CCDC141: variants seen among roughly 807,000 people sequenced by gnomAD.
CCDC141 encodes coiled-coil domain containing 141.
Under a neutral mutation model 181.0 loss-of-function variants are expected in CCDC141, and 168 were observed. That is an observed-to-expected ratio of 0.93 (90% confidence interval 0.82 to 1.05). The LOEUF (loss-of-function observed/expected upper bound fraction) is 1.05. Ranked by LOEUF, CCDC141 falls within the 50% of genes least tolerant of loss-of-function variation. The pLI, the probability that CCDC141 is intolerant of heterozygous loss-of-function variation, is 0.00. For synonymous variants in CCDC141, 666 were observed against 642.3 expected, an observed-to-expected ratio of 1.04 and a Z score of -0.56; for missense variants, 1,902 against 1,788.5, an observed-to-expected ratio of 1.06 and a Z score of -1.14.
chr2:179,040,207 T>A (rs2043257716), intron 2 of CCDC141, among the ~76,000 whole-genome samples: 1 of 152,174 alleles, frequency 6.6e-6, no homozygotes, highest in African/African-American at 2.4e-5. Flanking sequence ...ATATGAAGCT[T>A]CGATCTGTCC....
chr2:178,972,543 G>A (rs1372353466), intron 4 of CCDC141, among the ~76,000 whole-genome samples: 1 of 152,156 alleles, frequency 6.6e-6, no homozygotes, highest in Non-Finnish European at 1.5e-5. Flanking sequence ...GGCTTCCTGA[G>A]GAAAATGGCC....
rs951420643 is a variant in CCDC141, at chr2:178,881,765, G to A, written c.1719+3136C>T. 4.6e-5 allele frequency among the ~76,000 whole-genome samples: 7 copies of A among 151,914 alleles called. No homozygotes were observed. In the East Asian group the frequency reaches 7.7e-4, roughly 17 times the overall value. On this transcript the variant is annotated intron_variant, in intron 11 of 23. Coordinates refer to ENST00000443758, the MANE Select transcript of CCDC141 (RefSeq NM_173648.4). ...AAAAATTAGCTGGGCTTGGTGGCAC[G>A]TACCTGTAGTCCCAGCTACCTGGGA...
At chr2:178,826,579 G>A (rs893044914), downstream of CCDC141, among the ~76,000 whole-genome samples, 2 of 151,950 alleles carry the variant, frequency 1.3e-5, no homozygotes, top group Non-Finnish European at 1.5e-5. Flanking sequence ...TTGGAAAGTT[G>A]TTAATTATTG....
Position 178,884,945 on chromosome 2 carries a change from G to C in CCDC141, c.1675C>G (p.Gln559Glu). Residue 559 changes from glutamine to glutamate, a missense_variant, in exon 11 of 24, where the codon CAA becomes GAA. Physicochemically the swap from Gln to Glu is conservative, Grantham distance 29 (BLOSUM62 2). Transcript: ENST00000443758. ...AATGCCACGTAAGTTTGCAGGACTTGCGATCTATAGTCAATGCTTTGGCCA... is the reference window on the plus strand; with the variant it reads ...AATGCCACGTAAGTTTGCAGGACTTCCGATCTATAGTCAATGCTTTGGCCA... The part of the protein sequence containing the change: ...LFGQSIDYRS[Q>E]VLQTYVAFLK... 1 of 1,550,350 alleles carries C rather than the reference G, an allele frequency of 6.5e-7. No individual in the cohort carries two copies. The highest frequency in any genetic ancestry group is 1.4e-5 in the African/African-American group (1 of 73,156).
At chr2:178,849,099 A>T (rs1361809939) in intron 21 of CCDC141, among the ~76,000 whole-genome samples, 7 of 152,196 alleles carry the variant, frequency 4.6e-5, no homozygotes, top group Non-Finnish European at 1.5e-5. Flanking sequence ...AGCCTCACAA[A>T]CTATTTGAAT....
At chr2:178,840,861 AT>A (rs1369663546) in intron 22 of CCDC141, among the ~76,000 whole-genome samples, 1 of 152,184 alleles carries the variant, frequency 6.6e-6, no homozygotes, top group Non-Finnish European at 1.5e-5. Context: ...TCCTCAAAAA[AT>A]AACACTACCC....
intron 2 of CCDC141, among the ~76,000 whole-genome samples, chr2:179,001,459 A>G (rs2041975201): frequency 6.6e-6 from 1 of 152,166 alleles, no homozygotes; most frequent in Non-Finnish European, 1.5e-5. Context: ...GCTAGAAACC[A>G]CTTCTGCCTT....
At position 178,885,088 on chromosome 2, in the gene CCDC141, G is replaced by A; in HGVS notation, c.1532C>T (p.Thr511Ile). Residue 511 changes from threonine to isoleucine, a missense_variant, in exon 11 of 24, where the codon ACA becomes ATA. Thr to Ile is a moderately conservative substitution (Grantham distance 89, BLOSUM62 -1). Transcript: ENST00000443758. ...YLELDIQAKE[T>I]SHELEAAAKT... is the part of the protein sequence containing the mutation. ...TGCAGCTGCTTCTAATTCATGTGAT[G>A]TCTCCTGTAAAAGCAAAGCACTGGA... is the stretch of plus-strand genomic sequence containing the variant. 4.5e-6 allele frequency: 7 copies of A among 1,547,570 alleles called. No individual in the cohort carries two copies. Among genetic ancestry groups the A allele is most frequent in the Non-Finnish European group, 6.1e-6 (7 of 1,145,216 alleles).
intron 4 of CCDC141, among the ~76,000 whole-genome samples, chr2:178,973,489 G>A (rs1033486356): frequency 4.6e-5 from 7 of 152,192 alleles, no homozygotes; most frequent in African/African-American, 1.7e-4. Flanking sequence ...CAAGACATCA[G>A]TTTCACTGTC....
At chr2:179,041,880 T>C (rs2043317587) in intron 2 of CCDC141, among the ~76,000 whole-genome samples, 1 of 152,212 alleles carries the variant, frequency 6.6e-6, no homozygotes, top group Non-Finnish European at 1.5e-5. Flanking sequence ...TAAATATATA[T>C]GTACCCAATA....
chr2:178,947,044 C>T (rs1558999429), intron 5 of CCDC141, among the ~76,000 whole-genome samples: 1 of 152,172 alleles, frequency 6.6e-6, no homozygotes, highest in Non-Finnish European at 1.5e-5. Flanking sequence ...GGAGCAGACT[C>T]TTCGATCAGA....
chr2:178,943,342 A>G (rs1689595496), intron 6 of CCDC141, among the ~76,000 whole-genome samples: 1 of 152,210 alleles, frequency 6.6e-6, no homozygotes, highest in Non-Finnish European at 1.5e-5. Context: ...TGCACCTTTT[A>G]TCAATCAAAT....
At position 179,047,399 on chromosome 2, in the gene CCDC141, T is replaced by A. The variant is rs1163753802; in HGVS notation, c.110A>T (p.Lys37Ile). Residue 37 changes from lysine (K) to isoleucine (I), a missense_variant, in exon 2 of 24, where the codon AAA becomes ATA. Transcript: ENST00000443758. ...KIVIAVIKCG[K>I]WVQLQLAESQ... Reference sequence around the variant, plus strand: ...TTCAGCCAGTTGAAGTTGTACCCATTTGCCACACTAAAAATAAAAATTAAA... The same window carrying A: ...TTCAGCCAGTTGAAGTTGTACCCATATGCCACACTAAAAATAAAAATTAAA... The A allele has an allele frequency of 5.3e-6, 8 of 1,509,062 alleles. No individual in the cohort carries two copies. Among genetic ancestry groups the A allele is most frequent in the Non-Finnish European group, 7.1e-6 (8 of 1,132,528 alleles). 93.5% of individuals were successfully genotyped at this position (1,509,062 alleles called of 1,614,324 possible).
chr2:178,995,000 T>C (rs1236825088), intron 2 of CCDC141, among the ~76,000 whole-genome samples: 2 of 152,234 alleles, frequency 1.3e-5, no homozygotes, highest in East Asian at 1.9e-4. Context: ...GCCATTCAAC[T>C]AGTTTCTAGG....
intron 22 of CCDC141, among the ~76,000 whole-genome samples, chr2:178,843,445 A>G (rs1030964546): frequency 1.3e-5 from 2 of 152,170 alleles, no homozygotes; most frequent in African/African-American, 4.8e-5. Flanking sequence ...CTTCCATTTA[A>G]CCTTAGGAGT....
chr2:178,891,460 G>C (rs1170232774), intron 8 of CCDC141, among the ~76,000 whole-genome samples: 9 of 152,122 alleles, frequency 5.9e-5, no homozygotes, highest in African/African-American at 2.2e-4. Flanking sequence ...ATGTGGGGTA[G>C]GGAGTATTTT....
intron 2 of CCDC141, among the ~76,000 whole-genome samples, chr2:179,009,669 G>A (rs1456531352): frequency 8.3e-6 from 1 of 120,616 alleles, no homozygotes; most frequent in Non-Finnish European, 1.7e-5. Context: ...TAGAGTGGCA[G>A]GGGTGGGGGG....
At chr2:178,945,853 G>GCACACACACACACACACACACACACA (rs10649193) in intron 5 of CCDC141, among the ~76,000 whole-genome samples, 1 of 149,472 alleles carries the variant, frequency 6.7e-6, no homozygotes, top group East Asian at 2.0e-4. Context: ...ACACATGCGT[G>GCACACACACACACACACACACACACA]CACACACACA....
At chr2:178,996,481 A>G (rs947818324) in intron 2 of CCDC141, among the ~76,000 whole-genome samples, 3 of 152,186 alleles carry the variant, frequency 2.0e-5, no homozygotes. Context: ...TCCCAGTAAT[A>G]TTTCTCAGAT....
Sources: gnomAD v4.1 joint callset for allele counts (sites outside exome capture counted in the v4.1 genomes callset) on GRCh38, gnomAD v4.1.1 for gene constraint, MANE v1.5 for transcripts, NCBI Gene and HGNC (gene_info 2026-07-23, HGNC 2026-07-21) for gene names.